LATS1: variants seen among roughly 807,000 people sequenced by gnomAD.
LATS1 encodes the protein large tumor suppressor kinase 1, also known as serine/threonine-protein kinase LATS1.
LATS1 carries 25 observed loss-of-function variants against 106.6 expected under a neutral mutation model. The ratio of observed to expected loss-of-function variants is 0.23; its 90% CI spans 0.17 to 0.33. The LOEUF is 0.33. Ranked by LOEUF, LATS1 falls within the 10% of genes least tolerant of loss-of-function variation. The pLI, the probability that LATS1 is intolerant of heterozygous loss-of-function variation, is 1.00. For missense variants in LATS1, 1,040 were observed against 1,382.6 expected, an observed-to-expected ratio of 0.75 and a Z score of 3.93; for synonymous variants, 465 against 455.6, an observed-to-expected ratio of 1.02 and a Z score of -0.26.
rs1358253965 is a variant in LATS1, at chr6:149,676,625, G to A, written c.2706C>T (p.His902=). The A allele has an allele frequency of 1.2e-6, 2 of 1,614,070 alleles. No homozygotes were observed. The highest frequency in any genetic ancestry group is 1.7e-6 in the Non-Finnish European group (2 of 1,180,024). Reference sequence around the variant, plus strand: ...CCAAAGAATGTGCTAGACATCGCTGGTGCTGGCGTGCAGCTCTCCGCTCTA... The same window carrying A: ...CCAAAGAATGTGCTAGACATCGCTGATGCTGGCGTGCAGCTCTCCGCTCTA... ...KPLERRAARQ[H]QRCLAHSLVG... Residue 902 remains histidine, a synonymous_variant, in exon 6 of 8, where the codon CAC becomes CAT. Transcript: ENST00000543571.
chr6:149,677,734 CTG>C (rs1251824439), intron 5 of LATS1, among the ~76,000 whole-genome samples: 5 of 152,130 alleles, frequency 3.3e-5, no homozygotes, highest in Non-Finnish European at 7.4e-5. Context: ...ATTAACCTAA[CTG>C]TAATATTTAT....
chr6:149,678,763 T>C (rs1474232038), intron 5 of LATS1, among the ~76,000 whole-genome samples: 1 of 152,150 alleles, frequency 6.6e-6, no homozygotes, highest in East Asian at 1.9e-4. Context: ...CAGACAAACC[T>C]GGGTTCAAAG....
chr6:149,712,697 AT>A (rs1784173234), intron 1 of LATS1, among the ~76,000 whole-genome samples: 2 of 152,058 alleles, frequency 1.3e-5, no homozygotes, highest in African/African-American at 4.8e-5. Context: ...ACATTTTAAT[AT>A]TTCTAAAAGT....
chr6:149,672,241 G>C (rs1396293590), intron 7 of LATS1, among the ~76,000 whole-genome samples: 1 of 148,454 alleles, frequency 6.7e-6, no homozygotes, highest in African/African-American at 2.5e-5. Flanking sequence ...ATGGAGTCTC[G>C]CTCTGTCACC....
Position 149,661,703 on chromosome 6 carries a change from C to G in LATS1, c.*26G>C. ...TCGCATTTCAGGCCCTTTTACAAAT[C>G]CTCATTACATTTATTTACTAGTGTG... On this transcript the variant is annotated 3_prime_UTR_variant, in exon 8 of 8. Transcript: ENST00000543571. 1 of 1,518,126 alleles carries G rather than the reference C, an allele frequency of 6.6e-7. No homozygotes were observed. Among genetic ancestry groups the G allele is most frequent in the Non-Finnish European group, 8.8e-7 (1 of 1,137,748 alleles). The allele number at this position is 1,518,126 out of a possible 1,614,324, so 94.0% of individuals were successfully genotyped here.
At chr6:149,675,589 C>T (rs921136712) in intron 7 of LATS1, 2 of 152,194 alleles carry the variant, frequency 1.3e-5, no homozygotes, top group African/African-American at 2.4e-5. Flanking sequence ...AGGAGTTTCG[C>T]CCTTTCACCC....
intron 7 of LATS1, among the ~76,000 whole-genome samples, chr6:149,665,723 T>C (rs1036204769): frequency 1.2e-4 from 19 of 152,118 alleles, no homozygotes; most frequent in Admixed American, 1.3e-4. Flanking sequence ...TACAAAGAGA[T>C]CTATCTGCCT....
Position 149,701,572 on chromosome 6 carries a change from T to TA in LATS1, c.348+206dup, listed in dbSNP as rs144816812. 4.7e-3 allele frequency among the ~76,000 whole-genome samples: 720 copies of TA among 152,312 alleles called. 5 individuals are homozygous for TA. Among genetic ancestry groups the TA allele is most frequent in the African/African-American group, 0.016 (682 of 41,566 alleles). ...TTCCAGAAACTCCAGAATTTAGTGA[T>TA]ACATATCACAGAAGAAACTAAAGAA... is the stretch of plus-strand genomic sequence containing the variant. On this transcript the variant is annotated intron_variant, in intron 2 of 7. Coordinates refer to ENST00000543571, the MANE Select transcript of LATS1 (RefSeq NM_004690.4).
chr6:149,663,843 T>C (rs887352024), intron 7 of LATS1, among the ~76,000 whole-genome samples: 2 of 151,968 alleles, frequency 1.3e-5, no homozygotes, highest in Non-Finnish European at 1.5e-5. Context: ...AGTCTTGCTC[T>C]GTCGCCCAGG....
At chr6:149,716,133 A>G (rs1243732841) in intron 1 of LATS1, 3 of 149,856 alleles carry the variant, frequency 2.0e-5, no homozygotes, top group Non-Finnish European at 3.0e-5. Context: ...CCAACTTAGG[A>G]AAAAAAAAAT....
intron 3 of LATS1, among the ~76,000 whole-genome samples, chr6:149,690,120 CATTT>C (rs1379891773): frequency 6.6e-6 from 1 of 151,702 alleles, no homozygotes; most frequent in African/African-American, 2.4e-5. Flanking sequence ...GATTGAGAAA[CATTT>C]ATAGAAATTT....
intron 3 of LATS1, among the ~76,000 whole-genome samples, chr6:149,686,904 A>C (rs1782404642): frequency 6.6e-6 from 1 of 152,048 alleles, no homozygotes; most frequent in African/African-American, 2.4e-5. Flanking sequence ...CTTCCACTCC[A>C]CATCAAGTAT....
intron 1 of LATS1, among the ~76,000 whole-genome samples, chr6:149,706,609 G>C (rs1358586122): frequency 2.0e-5 from 3 of 152,208 alleles, no homozygotes; most frequent in Non-Finnish European, 4.4e-5. Flanking sequence ...AGGATTCTGA[G>C]ATTAAGTTAT....
chr6:149,711,317 G>A (rs955248881), intron 1 of LATS1, among the ~76,000 whole-genome samples: 1 of 152,112 alleles, frequency 6.6e-6, no homozygotes, highest in African/African-American at 2.4e-5. Flanking sequence ...GGCCGAGACA[G>A]GCGGATCACG....
chr6:149,668,694 G>A (rs1270907363), intron 7 of LATS1, among the ~76,000 whole-genome samples: 5 of 150,172 alleles, frequency 3.3e-5, no homozygotes, highest in Admixed American at 1.3e-4. Flanking sequence ...ATCCTCTTGC[G>A]TCAGCCTCCC....
intron 1 of LATS1, among the ~76,000 whole-genome samples, chr6:149,712,948 T>G (rs536928091): frequency 1.2e-4 from 19 of 152,196 alleles, no homozygotes; most frequent in African/African-American, 3.4e-4. Flanking sequence ...TGAGCTGTGA[T>G]TGTGCCACTA....
intron 1 of LATS1, among the ~76,000 whole-genome samples, chr6:149,714,476 G>A (rs1011268725): frequency 6.6e-6 from 1 of 152,018 alleles, no homozygotes; most frequent in Non-Finnish European, 1.5e-5. Context: ...GCAATTAAAG[G>A]CATAAGTAAT....
Position 149,701,766 on chromosome 6 carries a change from T to C in LATS1, c.348+13A>G. On this transcript the variant is annotated intron_variant, in intron 2 of 7. Transcript: ENST00000543571. ...TAAGAAGAATCCTTTCTTTTGTCTT[T>C]AAACATTCTTACCTCATCAAATCCA... 1.3e-6 allele frequency: 2 copies of C among 1,575,680 alleles called. No individual in the cohort carries two copies. The highest frequency in any genetic ancestry group is 1.2e-5 in the South Asian group (1 of 86,912).
At chr6:149,698,094 T>C (rs1029334985) in intron 2 of LATS1, among the ~76,000 whole-genome samples, 6 of 152,200 alleles carry the variant, frequency 3.9e-5, no homozygotes, top group African/African-American at 1.4e-4. Flanking sequence ...GTGATTACTA[T>C]GCTAACCTTT....
Sources: allele counts gnomAD v4.1 joint callset (sites outside exome capture counted in the v4.1 genomes callset), GRCh38; gene constraint gnomAD v4.1.1; transcripts MANE v1.5; gene names NCBI Gene and HGNC (gene_info 2026-07-23, HGNC 2026-07-21).